The following SPRED2 variants were observed in gnomAD, a reference collection of about 807,000 sequenced individuals.
The protein encoded by SPRED2 is sprouty-related, EVH1 domain-containing protein 2.
Under a neutral mutation model 43.0 loss-of-function variants are expected in SPRED2, and 47 were observed. The observed-to-expected ratio is 1.09, with a 90% CI of 0.87 to 1.40. The LOEUF is 1.40. SPRED2 is among the 40% of genes most tolerant of loss of function. The pLI is 0.00. For synonymous variants in SPRED2, 225 were observed against 225.7 expected (o/e 1.00, Z 0.03); for missense variants, 561 against 586.4 (o/e 0.96, Z 0.45).
rs1257962081 is a variant in SPRED2 at position 65,312,302 on chromosome 2, TC to T, written c.*1198del. ...GGTTTTTACATATGGCCTTGTTTTTTCCCCAAGTATAAATGAGGAATTTGGT... is the reference window on the plus strand; with the variant it reads ...GGTTTTTACATATGGCCTTGTTTTTTCCCAAGTATAAATGAGGAATTTGGT... On this transcript the variant is annotated 3_prime_UTR_variant, in exon 6 of 6. Coordinates refer to ENST00000356388, the MANE Select transcript of SPRED2 (RefSeq NM_181784.3). 16 of 985,344 alleles carry T rather than the reference TC, an allele frequency of 1.6e-5. No homozygotes were observed. In the East Asian group the frequency reaches 1.1e-3, roughly 70 times the overall value. The allele number at this position is 985,344 out of a possible 1,614,324, so 61.0% of individuals were successfully genotyped here.
chr2:65,343,939 G>A (rs995676213), intron 2 of SPRED2, among the ~76,000 whole-genome samples: 5 of 152,056 alleles, frequency 3.3e-5, no homozygotes, highest in Admixed American at 3.3e-4. Flanking sequence ...CTGAGGTCAG[G>A]AGTTCGAGAC....
At chr2:65,383,116 T>G (rs941469656) in intron 1 of SPRED2, among the ~76,000 whole-genome samples, 8 of 152,302 alleles carry the variant, frequency 5.3e-5, no homozygotes, top group African/African-American at 1.7e-4. Context: ...ACCACCGGCA[T>G]GCTAGCTTGG....
Position 65,350,887 on chromosome 2 carries a change from C to A in SPRED2, c.27-5991G>T, listed in dbSNP as rs889796639. Among the ~76,000 whole-genome samples the A allele has an allele frequency of 5.9e-5, 9 of 152,238 alleles. No individual in the cohort carries two copies. The East Asian group carries it at 1.5e-3, about 26-fold the overall frequency. On this transcript the variant is annotated intron_variant, in intron 1 of 5. Transcript: ENST00000356388. Reference sequence around the variant, plus strand: ...AAAGAATGTGTGCTCTAGGGCCAGGCGGCCCTGAAGTCCCCAGCCCTCTCA... The same window carrying A: ...AAAGAATGTGTGCTCTAGGGCCAGGAGGCCCTGAAGTCCCCAGCCCTCTCA...
At chr2:65,426,553 G>A (rs1676562304) in intron 1 of SPRED2, among the ~76,000 whole-genome samples, 1 of 152,156 alleles carries the variant, frequency 6.6e-6, no homozygotes, top group South Asian at 2.1e-4. Context: ...TAATTGCCAT[G>A]TAATGTAGGG....
chr2:65,316,852 T>G lies in SPRED2; in HGVS notation c.470A>C (p.Gln157Pro). The G allele has an allele frequency of 6.2e-7, 1 of 1,613,930 alleles. No individual in the cohort carries two copies. Among genetic ancestry groups the G allele is most frequent in the Non-Finnish European group, 8.5e-7 (1 of 1,179,972 alleles). Residue 157 changes from glutamine to proline, a missense_variant, in exon 5 of 6, where the codon CAG becomes CCG. Transcript: ENST00000356388. The stretch of plus-strand genomic sequence containing the variant: ...TGTCCGAGTAGGTTGCTCTCTCTTC[T>G]GAGAGGAATTAGAAGAACTGTCTGT... ...TATDSSSNSS[Q>P]KREQPTRTIS...
intron 1 of SPRED2, among the ~76,000 whole-genome samples, chr2:65,404,530 A>ATATTCATTCATATTATACCC (rs1346531539): frequency 6.6e-6 from 1 of 152,230 alleles, no homozygotes; most frequent in Non-Finnish European, 1.5e-5. Context: ...TTTAATGCAG[A>ATATTCATTCATATTATACCC]TATTCATTCA....
Position 65,312,811 on chromosome 2 carries a change from C to T in SPRED2, c.*690G>A. 1.0e-6 allele frequency: 1 copy of T among 985,778 alleles called. No individual in the cohort carries two copies. Among genetic ancestry groups the T allele is most frequent in the African/African-American group, 1.7e-5 (1 of 57,326 alleles). 61.1% of individuals were successfully genotyped at this position (985,778 alleles called of 1,614,324 possible). ...CAGTCTATTACGGGTGAATGTTTTG[C>T]ATCAGTGAATCATTTCAACAGATTT... On this transcript the variant is annotated 3_prime_UTR_variant, in exon 6 of 6. Coordinates refer to ENST00000356388, the MANE Select transcript of SPRED2 (RefSeq NM_181784.3).
At chr2:65,375,368 T>G (rs1246940709) in intron 1 of SPRED2, among the ~76,000 whole-genome samples, 1 of 152,180 alleles carries the variant, frequency 6.6e-6, no homozygotes, top group Non-Finnish European at 1.5e-5. Flanking sequence ...ATAGCCCTAT[T>G]CAAAAGGGAC....
At chr2:65,422,446 G>C (rs10153675) in intron 1 of SPRED2, among the ~76,000 whole-genome samples, 10 of 152,020 alleles carry the variant, frequency 6.6e-5, no homozygotes, top group African/African-American at 2.4e-4. Flanking sequence ...CGAGAGCAGG[G>C]ACTTCCTGAG....
chr2:65,427,162 C>T (rs568387696), intron 1 of SPRED2, among the ~76,000 whole-genome samples: 1 of 152,306 alleles, frequency 6.6e-6, no homozygotes, highest in East Asian at 1.9e-4. Flanking sequence ...GCCTCGACCT[C>T]CTGGCCTGAA....
At chr2:65,405,422 C>A (rs1675999749) in intron 1 of SPRED2, among the ~76,000 whole-genome samples, 1 of 152,222 alleles carries the variant, frequency 6.6e-6, no homozygotes, top group Admixed American at 6.5e-5. Flanking sequence ...TTCCCTCTTG[C>A]TTGGATCTTA....
Position 65,410,756 on chromosome 2 carries a change from C to T in SPRED2, c.26+21206G>A, listed in dbSNP as rs1676138415. Among the ~76,000 whole-genome samples the T allele has an allele frequency of 5.2e-5, 4 of 76,304 alleles. No homozygotes were observed. In the South Asian group the frequency reaches 1.3e-3, roughly 25 times the overall value. The allele number at this position is 76,304 out of a possible 152,430, so 50.1% of individuals were successfully genotyped here. The stretch of plus-strand genomic sequence containing the variant: ...CCTGGGTGACAGAGCGAGACTCTGT[C>T]TCAAAAAAAAAAAAAAAAATTGGTT... On this transcript the variant is annotated intron_variant, in intron 1 of 5. Coordinates refer to ENST00000356388, the MANE Select transcript of SPRED2 (RefSeq NM_181784.3).
At chr2:65,380,787 A>G (rs1675354244) in intron 1 of SPRED2, 1 of 152,188 alleles carries the variant, frequency 6.6e-6, no homozygotes, top group Non-Finnish European at 1.5e-5. Flanking sequence ...TCAAATACAG[A>G]CGTATGTGTT....
In SPRED2 at chr2:65,312,781, AT is replaced by A; in HGVS notation, c.*719del. ...CAAGTTAATCTGAAGTTAAGGCTCA[AT>A]TCTCAGTCTATTACGGGTGAATGTT... On this transcript the variant is annotated 3_prime_UTR_variant, in exon 6 of 6. Coordinates refer to ENST00000356388, the MANE Select transcript of SPRED2 (RefSeq NM_181784.3). The A allele has an allele frequency of 2.0e-6, 2 of 985,896 alleles. No individual in the cohort carries two copies. The highest frequency in any genetic ancestry group is 2.4e-6 in the Non-Finnish European group (2 of 829,942). The allele number at this position is 985,896 out of a possible 1,614,324, so 61.1% of individuals were successfully genotyped here.
chr2:65,411,297 C>A (rs1053804615), intron 1 of SPRED2, among the ~76,000 whole-genome samples: 33 of 152,152 alleles, frequency 2.2e-4, no homozygotes, highest in African/African-American at 7.0e-4. Context: ...GGACACCGAG[C>A]CTCTCTTTCC....
chr2:65,417,833 C>A (rs1676323725), intron 1 of SPRED2, among the ~76,000 whole-genome samples: 1 of 152,178 alleles, frequency 6.6e-6, no homozygotes, highest in African/African-American at 2.4e-5. Flanking sequence ...CAGATGGAAA[C>A]CATTTTACTT....
At chr2:65,343,859 A>C (rs1263425895) in intron 2 of SPRED2, among the ~76,000 whole-genome samples, 1 of 152,188 alleles carries the variant, frequency 6.6e-6, no homozygotes, top group African/African-American at 2.4e-5. Context: ...AATTTATAGA[A>C]GTATGGGCCA....
At chr2:65,417,760 T>A (rs1032393857) in intron 1 of SPRED2, among the ~76,000 whole-genome samples, 15 of 152,144 alleles carry the variant, frequency 9.9e-5, no homozygotes, top group African/African-American at 3.1e-4. Context: ...AAATTATGTG[T>A]AAAAAAGAGG....
intron 4 of SPRED2, among the ~76,000 whole-genome samples, chr2:65,327,723 T>C (rs1202631243): frequency 7.7e-6 from 1 of 130,520 alleles, no homozygotes; most frequent in Non-Finnish European, 1.6e-5. Context: ...CTTTTTTTTT[T>C]TTTTTTTTTT....
Sources: allele counts gnomAD v4.1 joint callset (sites outside exome capture counted in the v4.1 genomes callset), GRCh38; gene constraint gnomAD v4.1.1; transcripts MANE v1.5; gene names NCBI Gene and HGNC (gene_info 2026-07-23, HGNC 2026-07-21).